Variants in MAP1LC3C observed in about 807,000 individuals in gnomAD.
MAP1LC3C encodes microtubule associated protein 1 light chain 3 gamma.
Under a neutral mutation model 10.4 loss-of-function variants are expected in MAP1LC3C, and 12 were observed. The observed-to-expected ratio is 1.15, with a 90% CI of 0.74 to 1.86. The LOEUF (loss-of-function observed/expected upper bound fraction) is 1.86. MAP1LC3C is among the 40% of genes most tolerant of loss of function. The pLI is 0.00. For synonymous variants in MAP1LC3C, 70 were observed against 69.0 expected, an observed-to-expected ratio of 1.01 and a Z score of -0.07; for missense variants, 177 against 185.7, an observed-to-expected ratio of 0.95 and a Z score of 0.27.
chr1:241,996,432 C>G (rs1247549087), intron 3 of MAP1LC3C, 47 bp from the exon 4 acceptor site: 7 of 1,458,070 alleles, frequency 4.8e-6, no homozygotes, highest in Non-Finnish European at 6.7e-6. Context: ...CGAGACAGCC[C>G]AGGGATCTGC....
At position 241,998,568 on chromosome 1, in the gene MAP1LC3C, GT is replaced by G. The variant is rs754121175; in HGVS notation, c.166del (p.Thr56ProfsTer9). The G allele has an allele frequency of 1.7e-5, 28 of 1,613,362 alleles. No homozygotes were observed. In the African/African-American group the frequency reaches 3.7e-4, roughly 22 times the overall value. On this transcript the variant is annotated frameshift_variant, in exon 3 of 4. Coordinates refer to ENST00000357246, the MANE Select transcript of MAP1LC3C (RefSeq NM_001004343.3). LOFTEE classifies it high-confidence loss of function. Reference protein sequence around the residue: ...RETFLPPLDKTKFLVPQELTM... With the variant: ...RETFLPPLDKXKFLVPQELTM... ...CAGCTCCTGCGGGACCAGGAACTTG[GT>G]TTTGTCCAGCGGGGGCAGGAACGTC... is the stretch of plus-strand genomic sequence containing the variant.
chr1:241,998,479 G>A (rs1479404466), intron 3 of MAP1LC3C, 35 bp downstream of exon 3: 2 of 1,590,138 alleles, frequency 1.3e-6, no homozygotes, highest in Non-Finnish European at 1.7e-6. Context: ...CGCACCCAGC[G>A]CACCTTCCTC....
upstream of MAP1LC3C, among the ~76,000 whole-genome samples, chr1:242,001,083 T>C (rs1471119371): frequency 6.6e-6 from 1 of 151,914 alleles, no homozygotes; most frequent in Non-Finnish European, 1.5e-5. Flanking sequence ...TGAGACCAGC[T>C]TGGCCAACAT....
upstream of MAP1LC3C, chr1:241,999,124 T>A: frequency 6.8e-7 from 1 of 1,473,184 alleles, no homozygotes; most frequent in Non-Finnish European, 8.9e-7. Flanking sequence ...AAGGAGGCCC[T>A]TATGTAGGGC....
chr1:242,001,122 A>G (rs1284906413), upstream of MAP1LC3C, among the ~76,000 whole-genome samples: 2 of 151,842 alleles, frequency 1.3e-5, no homozygotes, highest in Non-Finnish European at 2.9e-5. Context: ...CTAAAATACA[A>G]AAAAATTAGC....
At chr1:241,999,645 C>A (rs1234353669), upstream of MAP1LC3C, among the ~76,000 whole-genome samples, 1 of 152,136 alleles carries the variant, frequency 6.6e-6, no homozygotes, top group African/African-American at 2.4e-5. Flanking sequence ...CCCATCTCTA[C>A]TAAAAATACA....
At chr1:242,000,068 T>TG (rs1464382376), upstream of MAP1LC3C, among the ~76,000 whole-genome samples, 1 of 151,822 alleles carries the variant, frequency 6.6e-6, no homozygotes, top group Non-Finnish European at 1.5e-5. Flanking sequence ...TGTGGGTGGG[T>TG]GGGGGTTCCC....
intron 3 of MAP1LC3C, among the ~76,000 whole-genome samples, chr1:241,997,619 G>A (rs1164701715): frequency 2.0e-5 from 3 of 152,134 alleles, no homozygotes; most frequent in Non-Finnish European, 4.4e-5. Flanking sequence ...CTTACTCATC[G>A]GGTATATTTA....
chr1:241,996,530 G>A (rs1665089587), intron 3 of MAP1LC3C, 145 bp from the exon 4 acceptor site: 2 of 639,482 alleles, frequency 3.1e-6, no homozygotes, highest in Non-Finnish European at 5.4e-6. Context: ...GGGTCAAAAG[G>A]GTGAGGCCAT....
chr1:241,999,178 C>T, upstream of MAP1LC3C: 2 of 1,329,522 alleles, frequency 1.5e-6, no homozygotes, highest in Non-Finnish European at 9.8e-7. Flanking sequence ...CTCCCCACTC[C>T]CCCTCCCTGG....
chr1:241,998,538 A>C lies in MAP1LC3C; in HGVS notation c.197T>G (p.Met66Arg), dbSNP rs1006244988. The C allele has an allele frequency of 2.5e-6, 4 of 1,613,934 alleles. No individual in the cohort carries two copies. The African/African-American group carries it at 5.3e-5, about 22-fold the overall frequency. The change falls in exon 3 of 4, where the codon ATG becomes AGG. Residue 66 changes from methionine to arginine, a missense_variant. Transcript: ENST00000357246. The part of the protein sequence containing the change: ...TKFLVPQELT[M>R]TQFLSIIRSR... ...CCGGATGATGCTGAGGAACTGGGTC[A>C]TGGTCAGCTCCTGCGGGACCAGGAA... is the stretch of plus-strand genomic sequence containing the variant.
intron 3 of MAP1LC3C, 51 bp downstream of exon 3, chr1:241,998,462 GC>G: frequency 6.6e-7 from 1 of 1,509,440 alleles, no homozygotes; most frequent in Non-Finnish European, 9.2e-7. Flanking sequence ...AAGCCCAACA[GC>G]CCCGGCGCAC....
At position 241,996,079 on chromosome 1, in the gene MAP1LC3C, C is replaced by T. The variant is rs542437229; in HGVS notation, c.*84G>A. 2,357 of 1,275,310 alleles carry T rather than the reference C, an allele frequency of 1.8e-3. 5 individuals are homozygous for T. Among genetic ancestry groups the T allele is most frequent in the Non-Finnish European group, 2.4e-3 (2,217 of 921,278 alleles). The allele number at this position is 1,275,310 out of a possible 1,614,324, so 79.0% of individuals were successfully genotyped here. On this transcript the variant is annotated 3_prime_UTR_variant, in exon 4 of 4. Coordinates refer to ENST00000357246, the MANE Select transcript of MAP1LC3C (RefSeq NM_001004343.3). ...CCAGGCATCCCTGCTTCTCAGACTC[C>T]TCCACTGTATACACAGGAGAAAACC...
Position 241,998,988 on chromosome 1 carries a change from G to C in MAP1LC3C, c.21C>G (p.Ile7Met), listed in dbSNP as rs1449434413. The change falls in exon 1 of 4, where the codon ATC becomes ATG. Residue 7 changes from isoleucine (I) to methionine (M), a missense_variant. By Grantham distance (10) the Ile-to-Met change is conservative. Transcript: ENST00000357246. MPPPQK[I>M]PSVRPFKQRK... is the part of the protein sequence containing the mutation. ...TCTGCTTGAAGGGTCTGACGCTTGGGATTTTCTGTGGAGGCGGCATTGCAC... is the reference window on the plus strand; with the variant it reads ...TCTGCTTGAAGGGTCTGACGCTTGGCATTTTCTGTGGAGGCGGCATTGCAC... The C allele has an allele frequency of 3.1e-6, 5 of 1,610,020 alleles. No homozygotes were observed. The African/African-American group carries it at 5.4e-5, about 17-fold the overall frequency.
chr1:242,000,327 G>T (rs28627731), upstream of MAP1LC3C, among the ~76,000 whole-genome samples: 6,253 of 152,230 alleles, frequency 0.041, 141 homozygotes, highest in Middle Eastern at 0.048. Flanking sequence ...TGCAATCTCT[G>T]CCTCCTGAGT....
Position 241,999,069 on chromosome 1 carries a change from C to T in MAP1LC3C, c.-61G>A. 1.4e-5 allele frequency: 22 copies of T among 1,547,180 alleles called. No homozygotes were observed. Among genetic ancestry groups the T allele is most frequent in the Admixed American group, 2.2e-5 (1 of 46,120 alleles). On this transcript the variant is annotated 5_prime_UTR_variant, in exon 1 of 4. The change abolishes the stop of an existing upstream ORF in the 5' untranslated region. Coordinates refer to ENST00000357246, the MANE Select transcript of MAP1LC3C (RefSeq NM_001004343.3). ...AAAAAACTGTCCCGCAACCGGGAACCTAACTCATTCCTCCAGCTGCTTCCA... is the reference window on the plus strand; with the variant it reads ...AAAAAACTGTCCCGCAACCGGGAACTTAACTCATTCCTCCAGCTGCTTCCA...
Position 241,996,091 on chromosome 1 carries a change from C to G in MAP1LC3C, c.*72G>C. On this transcript the variant is annotated 3_prime_UTR_variant, in exon 4 of 4. Transcript: ENST00000357246. ...GCTTCTCAGACTCCTCCACTGTATA[C>G]ACAGGAGAAAACCAATCCCTTCTGC... The G allele has an allele frequency of 1.4e-6, 2 of 1,407,828 alleles. No individual in the cohort carries two copies. The highest frequency in any genetic ancestry group is 2.6e-5 in the South Asian group (2 of 76,976). 87.2% of individuals were successfully genotyped at this position (1,407,828 alleles called of 1,614,324 possible).
chr1:241,996,545 T>C (rs542276499), intron 3 of MAP1LC3C, among the ~76,000 whole-genome samples, 160 bp from the exon 4 acceptor site: 2 of 152,130 alleles, frequency 1.3e-5, no homozygotes, highest in East Asian at 3.9e-4. Context: ...GGCCATTCCA[T>C]GGATGAAATA....
Position 241,998,494 on chromosome 1 carries a change from G to A in MAP1LC3C, c.221+20C>T, listed in dbSNP as rs1371082100. The A allele has an allele frequency of 6.2e-7, 1 of 1,609,414 alleles. No homozygotes were observed. The highest frequency in any genetic ancestry group is 1.3e-5 in the African/African-American group (1 of 74,950). On this transcript the variant is annotated intron_variant, in intron 3 of 3. Transcript: ENST00000357246. ...CGCACCCAGCGCACCTTCCTCCGGGGCACGCTCTGCGCCACCTACCGGATG... is the reference window on the plus strand; with the variant it reads ...CGCACCCAGCGCACCTTCCTCCGGGACACGCTCTGCGCCACCTACCGGATG...
Sources: allele counts gnomAD v4.1 joint callset (sites outside exome capture counted in the v4.1 genomes callset), GRCh38; gene constraint gnomAD v4.1.1; transcripts MANE v1.5; gene names NCBI Gene and HGNC (gene_info 2026-07-23, HGNC 2026-07-21).